KDM4D: variants seen among roughly 807,000 people sequenced by gnomAD.
KDM4D encodes the protein lysine-specific demethylase 4D.
For synonymous variants in KDM4D, 254 were observed against 249.1 expected, an observed-to-expected ratio of 1.02 and a Z score of -0.19; for missense variants, 427 against 674.8, an observed-to-expected ratio of 0.63 and a Z score of 4.07.
At position 94,995,680 on chromosome 11, in the gene KDM4D, C is replaced by T. The variant is rs184209233; in HGVS notation, c.-349-1344C>T. Among the ~76,000 whole-genome samples the T allele has an allele frequency of 3.2e-3, 480 of 152,272 alleles. 2 individuals carry two copies. The highest frequency in any genetic ancestry group is 0.011 in the African/African-American group (458 of 41,544). The stretch of plus-strand genomic sequence containing the variant: ...CCTAGTTTAAAAAATCTGTTTCGAG[C>T]ATCCCAATCTTTTTTGAGCTTCCCT... On this transcript the variant is annotated intron_variant, in intron 2 of 2. Transcript: ENST00000335080.
At chr11:94,991,348 G>A (rs1857932739) in intron 2 of KDM4D, among the ~76,000 whole-genome samples, 1 of 151,978 alleles carries the variant, frequency 6.6e-6, no homozygotes, top group South Asian at 2.1e-4. Flanking sequence ...AAATATGAAA[G>A]AGACCAAAGC....
rs587739384 is a variant in KDM4D, at chr11:94,998,344, C to A, written c.972C>A (p.Phe324Leu). ...EARVTFSMDA[F>L]VRILQPERYD... ...GGGTGACCTTTTCCATGGATGCCTT[C>A]GTGCGCATCCTGCAACCTGAACGCT... The change falls in exon 3 of 3, where the codon TTC becomes TTA. Residue 324 changes from phenylalanine to leucine, a missense_variant. Transcript: ENST00000335080. This position sits in a 1 kb window ranked among gnomAD's most constrained non-coding sequence, Gnocchi z 6.7. The A allele has an allele frequency of 6.2e-7, 1 of 1,614,164 alleles. No homozygotes were observed. The highest frequency in any genetic ancestry group is 1.1e-5 in the South Asian group (1 of 91,088).
intron 2 of KDM4D, among the ~76,000 whole-genome samples, chr11:94,987,087 T>C (rs1210915087): frequency 2.6e-5 from 4 of 152,226 alleles, no homozygotes; most frequent in Admixed American, 6.5e-5. Flanking sequence ...ATTCCATTTA[T>C]ATTAAATGTC....
At chr11:94,995,409 A>T (rs587656626) in intron 2 of KDM4D, among the ~76,000 whole-genome samples, 1 of 152,236 alleles carries the variant, frequency 6.6e-6, no homozygotes. Flanking sequence ...GGTAGAAGTG[A>T]TAAGTGGCAA....
intron 2 of KDM4D, among the ~76,000 whole-genome samples, chr11:94,989,913 C>G (rs1215600344): frequency 3.3e-5 from 5 of 152,032 alleles, no homozygotes; most frequent in South Asian, 4.1e-4. Context: ...AGGCCACCAC[C>G]ACGTCCAGCT....
At chr11:94,981,566 T>G (rs1555097560) in intron 2 of KDM4D, among the ~76,000 whole-genome samples, 1 of 152,074 alleles carries the variant, frequency 6.6e-6, no homozygotes, top group Non-Finnish European at 1.5e-5. Context: ...TTTGTCAGTA[T>G]CACTGTTATA....
chr11:94,988,690 T>C (rs1354316358), intron 2 of KDM4D, among the ~76,000 whole-genome samples: 1 of 152,214 alleles, frequency 6.6e-6, no homozygotes, highest in Non-Finnish European at 1.5e-5. Context: ...TGTTGGGTAA[T>C]CTGGATATTG....
At chr11:94,975,292 C>G (rs1024221531) in intron 1 of KDM4D, among the ~76,000 whole-genome samples, 6 of 152,082 alleles carry the variant, frequency 3.9e-5, no homozygotes, top group Admixed American at 1.3e-4. Context: ...TACCACTAAA[C>G]ATTACCAGAG....
chr11:94,980,614 ATTG>A lies in KDM4D; in HGVS notation c.-350+4871_-350+4873del, dbSNP rs200489841. ...AATATGCTTCTCTAAGTACATTCAT[ATTG>A]TTGTCTTCATAGAAATTTTGCAAAT... On this transcript the variant is annotated intron_variant, in intron 2 of 2. Transcript: ENST00000335080. Among the ~76,000 whole-genome samples, 7 of 152,210 alleles carry A rather than the reference ATTG, an allele frequency of 4.6e-5. No homozygotes were observed. In the East Asian group the frequency reaches 9.6e-4, roughly 21 times the overall value.
intron 2 of KDM4D, among the ~76,000 whole-genome samples, chr11:94,986,546 T>C (rs1555098139): frequency 6.6e-6 from 1 of 151,994 alleles, no homozygotes; most frequent in African/African-American, 2.4e-5. Flanking sequence ...CAGTAAGCTG[T>C]GATTATGCCA....
chr11:94,997,741 A>G lies in KDM4D; in HGVS notation c.369A>G (p.Arg123=). The part of the protein sequence containing the change: ...PPHQNFEDLE[R]KYWKNRIYNS... ...ACCAGAATTTCGAAGATTTGGAGCG[A>G]AAATACTGGAAGAACCGCATCTATA... Residue 123 remains arginine, a synonymous_variant, in exon 3 of 3, where the codon CGA becomes CGG. Coordinates refer to ENST00000335080, the MANE Select transcript of KDM4D (RefSeq NM_018039.3). The G allele has an allele frequency of 6.2e-7, 1 of 1,614,276 alleles. No homozygotes were observed. The highest frequency in any genetic ancestry group is 8.5e-7 in the Non-Finnish European group (1 of 1,180,050).
chr11:94,982,076 A>C (rs1857846764), intron 2 of KDM4D, among the ~76,000 whole-genome samples: 1 of 151,636 alleles, frequency 6.6e-6, no homozygotes, highest in South Asian at 2.1e-4. Flanking sequence ...TCTCATTAAA[A>C]ATTTATTTAG....
At chr11:94,990,435 A>C (rs1215707687) in intron 2 of KDM4D, among the ~76,000 whole-genome samples, 1 of 152,234 alleles carries the variant, frequency 6.6e-6, no homozygotes, top group East Asian at 1.9e-4. Flanking sequence ...AAAAGCATAG[A>C]GTCAAGGACA....
At chr11:94,996,643 T>G (rs1857977950) in intron 2 of KDM4D, among the ~76,000 whole-genome samples, 1 of 152,212 alleles carries the variant, frequency 6.6e-6, no homozygotes, top group South Asian at 2.1e-4. Flanking sequence ...TTCATTCTAT[T>G]GCTGATGGAC....
chr11:94,985,603 T>G (rs1555098044), intron 2 of KDM4D, among the ~76,000 whole-genome samples: 1 of 151,782 alleles, frequency 6.6e-6, no homozygotes, highest in African/African-American at 2.4e-5. Flanking sequence ...TATAGAAATA[T>G]AAAGGAACCA....
intron 2 of KDM4D, among the ~76,000 whole-genome samples, chr11:94,991,603 AAAAGAC>A (rs1217139069): frequency 1.3e-5 from 2 of 149,234 alleles, no homozygotes; most frequent in Admixed American, 6.7e-5. Flanking sequence ...GGAGAAATGA[AAAAGAC>A]AAAGAGAAAG....
intron 2 of KDM4D, among the ~76,000 whole-genome samples, chr11:94,981,175 C>T (rs1019794682): frequency 1.1e-4 from 16 of 152,004 alleles, no homozygotes; most frequent in African/African-American, 3.4e-4. Context: ...TTAATATGTG[C>T]TATTACACTA....
intron 2 of KDM4D, among the ~76,000 whole-genome samples, chr11:94,992,713 G>C (rs1431483873): frequency 2.0e-5 from 3 of 152,048 alleles, no homozygotes; most frequent in Non-Finnish European, 4.4e-5. Context: ...GGGATGTACT[G>C]TTTTAGATAC....
At chr11:94,990,108 T>C (rs1481819634) in intron 2 of KDM4D, among the ~76,000 whole-genome samples, 1 of 152,158 alleles carries the variant, frequency 6.6e-6, no homozygotes, top group Non-Finnish European at 1.5e-5. Context: ...GTCAAAGCTT[T>C]TGGGTCAGAG....
Sources: gnomAD v4.1 joint callset for allele counts (sites outside exome capture counted in the v4.1 genomes callset) on GRCh38, gnomAD v4.1.1 for gene constraint, Gnocchi (gnomAD v3.1) non-coding constraint, MANE v1.5 for transcripts, NCBI Gene and HGNC (gene_info 2026-07-23, HGNC 2026-07-21) for gene names.